The following PTGER3 variants were observed in gnomAD, a reference collection of about 807,000 sequenced individuals.
PTGER3 encodes the protein prostaglandin E2 receptor EP3 subtype.
Under a neutral mutation model 34.7 loss-of-function variants are expected in PTGER3, and 22 were observed. The observed-to-expected ratio is 0.63, with a 90% CI of 0.45 to 0.91. The LOEUF (loss-of-function observed/expected upper bound fraction) is 0.91, where lower values mean the gene tolerates loss of function less well. PTGER3 is among the 40% of genes least tolerant of loss of function. PTGER3 has a pLI of 0.00. For missense variants in PTGER3, 468 were observed against 519.4 expected, an observed-to-expected ratio of 0.90 and a Z score of 0.96; for synonymous variants, 241 against 230.1, an observed-to-expected ratio of 1.05 and a Z score of -0.43.
intron 4 of PTGER3, among the ~76,000 whole-genome samples, chr1:70,921,479 C>G (rs1478889811): frequency 6.6e-6 from 1 of 152,048 alleles, no homozygotes; most frequent in African/African-American, 2.4e-5. Context: ...ATTTGTGAGG[C>G]TAGTCATAGG....
In PTGER3 at chr1:70,973,884, A is replaced by G. The variant is rs147194220; in HGVS notation, c.1169+413T>C. Reference sequence around the variant, plus strand: ...ATTCATTGAAGTACATGTTTTATTCAAAATAGATCTAATCAAAAATGCGAC... The same window carrying G: ...ATTCATTGAAGTACATGTTTTATTCGAAATAGATCTAATCAAAAATGCGAC... On this transcript the variant is annotated intron_variant, in intron 3 of 3. Transcript: ENST00000306666. 1.1e-3 allele frequency among the ~76,000 whole-genome samples: 160 copies of G among 152,330 alleles called. 1 individual carries two copies. The highest frequency in any genetic ancestry group is 3.8e-3 in the African/African-American group (157 of 41,558).
chr1:71,045,793 TGTC>T (rs1275653579), intron 1 of PTGER3, among the ~76,000 whole-genome samples: 2 of 151,984 alleles, frequency 1.3e-5, no homozygotes, highest in African/African-American at 4.8e-5. Flanking sequence ...TCCCACTGAC[TGTC>T]GTTCGGGCAC....
At chr1:70,980,199 A>G (rs1462273360) in intron 2 of PTGER3, among the ~76,000 whole-genome samples, 1 of 152,142 alleles carries the variant, frequency 6.6e-6, no homozygotes, top group Non-Finnish European at 1.5e-5. Context: ...TTTTGGACTA[A>G]GATTGGATAG....
intron 2 of PTGER3, among the ~76,000 whole-genome samples, chr1:70,990,029 C>T (rs1457499692): frequency 1.3e-5 from 2 of 151,838 alleles, no homozygotes; most frequent in Non-Finnish European, 2.9e-5. Flanking sequence ...ATATACAATA[C>T]ATGTATGTAT....
chr1:70,913,495 C>G (rs1452409748), intron 4 of PTGER3, among the ~76,000 whole-genome samples: 4 of 151,716 alleles, frequency 2.6e-5, no homozygotes, highest in African/African-American at 9.7e-5. Flanking sequence ...TTATTCTTGC[C>G]TCATTATCCT....
At chr1:71,039,663 A>AG (rs1399925206) in intron 1 of PTGER3, among the ~76,000 whole-genome samples, 40 of 147,148 alleles carry the variant, frequency 2.7e-4, no homozygotes, top group African/African-American at 9.4e-4. Flanking sequence ...AAAAAAAAAA[A>AG]AAAAAAAGAA....
chr1:70,864,672 C>A (rs1383706535), intron 4 of PTGER3, among the ~76,000 whole-genome samples: 3 of 152,198 alleles, frequency 2.0e-5, no homozygotes, highest in African/African-American at 7.2e-5. Context: ...AGTTGGCAAT[C>A]ATCAAATTCT....
chr1:70,889,414 CAAAAAAAAAA>C (rs372750310), intron 4 of PTGER3, among the ~76,000 whole-genome samples: 2 of 63,618 alleles, frequency 3.1e-5, no homozygotes, highest in African/African-American at 6.2e-5. Context: ...GACTCCATCT[CAAAAAAAAAA>C]AAAAAAAAAA....
intron 4 of PTGER3, among the ~76,000 whole-genome samples, chr1:70,920,732 A>T (rs1165035740): frequency 1.3e-5 from 2 of 152,238 alleles, no homozygotes; most frequent in Non-Finnish European, 2.9e-5. Flanking sequence ...TCCTAAGAAC[A>T]AGGTAAATGT....
At chr1:70,996,135 C>T (rs1655917625) in intron 2 of PTGER3, among the ~76,000 whole-genome samples, 1 of 152,170 alleles carries the variant, frequency 6.6e-6, no homozygotes, top group African/African-American at 2.4e-5. Flanking sequence ...CAGTGGCACA[C>T]TGAAATGACG....
intron 2 of PTGER3, among the ~76,000 whole-genome samples, chr1:70,983,466 A>T (rs1654594283): frequency 6.6e-6 from 1 of 152,114 alleles, no homozygotes; most frequent in Non-Finnish European, 1.5e-5. Flanking sequence ...AACTCATTAA[A>T]TATTTAGCGA....
At chr1:70,933,489 C>T (rs990496483) in intron 4 of PTGER3, among the ~76,000 whole-genome samples, 1 of 152,124 alleles carries the variant, frequency 6.6e-6, no homozygotes, top group Non-Finnish European at 1.5e-5. Context: ...ATATATTTCC[C>T]AAATATTTTC....
intron 4 of PTGER3, among the ~76,000 whole-genome samples, chr1:70,861,671 A>G (rs1645929863): frequency 6.6e-6 from 1 of 151,252 alleles, no homozygotes; most frequent in African/African-American, 2.4e-5. Flanking sequence ...ATGTGAGTGG[A>G]TGCAATGGGA....
intron 4 of PTGER3, among the ~76,000 whole-genome samples, chr1:70,874,663 T>C (rs1305402972): frequency 6.6e-6 from 1 of 152,162 alleles, no homozygotes; most frequent in Non-Finnish European, 1.5e-5. Context: ...TCTTTATGTC[T>C]CTCCTTCTGT....
At chr1:70,954,644 T>C (rs1028645123) in intron 2 of PTGER3, among the ~76,000 whole-genome samples, 1 of 152,182 alleles carries the variant, frequency 6.6e-6, no homozygotes, top group Non-Finnish European at 1.5e-5. Context: ...CCAGTACCTC[T>C]GATTTCAAGT....
chr1:70,981,365 TTCTTTCTTTCTTTC>T (rs1654307848), intron 2 of PTGER3, among the ~76,000 whole-genome samples: 1 of 117,420 alleles, frequency 8.5e-6, no homozygotes, highest in Admixed American at 9.9e-5. Context: ...CTTTCTTTCT[TTCTTTCTTTCTTTC>T]TTTCTTTCTT....
rs978357364 is a variant in PTGER3 at position 70,927,465 on chromosome 1, C to T, written c.*23+26298G>A. The stretch of plus-strand genomic sequence containing the variant: ...GAAGACAGTAAAAAAGAAAGCATAG[C>T]TATGGAATACCGTGATAGAGAGGAT... On this transcript the variant is annotated intron_variant, in intron 4 of 4. Coordinates refer to the PTGER3 transcript ENST00000370931. Among the ~76,000 whole-genome samples the T allele has an allele frequency of 3.5e-4, 53 of 152,076 alleles. 1 individual carries two copies. The highest frequency in any genetic ancestry group is 8.8e-5 in the Non-Finnish European group (6 of 68,010).
chr1:71,011,074 G>A (rs1328558442), intron 2 of PTGER3: 2 of 985,596 alleles, frequency 2.0e-6, no homozygotes, highest in African/African-American at 1.7e-5. Flanking sequence ...GGATTACTAT[G>A]TTTGGTGGGG....
At chr1:70,996,076 G>A (rs1655910161) in intron 2 of PTGER3, among the ~76,000 whole-genome samples, 1 of 152,056 alleles carries the variant, frequency 6.6e-6, no homozygotes, top group South Asian at 2.1e-4. Context: ...CCTTCCATAA[G>A]GCTACTCATT....
Sources: gnomAD v4.1 joint callset for allele counts (sites outside exome capture counted in the v4.1 genomes callset) on GRCh38, gnomAD v4.1.1 for gene constraint, MANE v1.5 for transcripts, NCBI Gene and HGNC (gene_info 2026-07-23, HGNC 2026-07-21) for gene names.